PCDH7: variants seen among roughly 807,000 people sequenced by gnomAD.
PCDH7 encodes protocadherin 7, also known as protocadherin-7.
In PCDH7, 17 loss-of-function variants were observed where a neutral mutation model predicts 58.9. The observed-to-expected ratio is 0.29, with a 90% CI of 0.20 to 0.43. PCDH7 has a LOEUF of 0.43. Ranked by LOEUF, PCDH7 falls within the 20% of genes least tolerant of loss-of-function variation. PCDH7 has a pLI of 1.00. For synonymous variants in PCDH7, 664 were observed against 616.4 expected, an observed-to-expected ratio of 1.08 and a Z score of -1.14; for missense variants, 1,274 against 1,441.0, an observed-to-expected ratio of 0.88 and a Z score of 1.88.
At chr4:30,836,981 A>G (rs910573119) in intron 1 of PCDH7, among the ~76,000 whole-genome samples, 2 of 152,166 alleles carry the variant, frequency 1.3e-5, no homozygotes, top group African/African-American at 4.8e-5. Flanking sequence ...TGAGACACAT[A>G]TAAAACATGG....
intron 3 of PCDH7, among the ~76,000 whole-genome samples, chr4:30,966,966 C>G (rs768004961): frequency 6.6e-6 from 1 of 152,016 alleles, no homozygotes; most frequent in Non-Finnish European, 1.5e-5. Context: ...GCCTCAGTTT[C>G]CTTATTGCAA....
intron 3 of PCDH7, among the ~76,000 whole-genome samples, chr4:31,112,459 C>A (rs1716446151): frequency 6.6e-6 from 1 of 152,094 alleles, no homozygotes; most frequent in South Asian, 2.1e-4. Flanking sequence ...ATAATTACTA[C>A]TAAAAACCAA....
intron 1 of PCDH7, among the ~76,000 whole-genome samples, chr4:30,844,695 T>TTG (rs1302073066): frequency 1.3e-5 from 2 of 152,200 alleles, no homozygotes; most frequent in Admixed American, 6.6e-5. Context: ...ATAGCCATCT[T>TTG]TGTTTCAAAA....
chr4:31,126,130 T>TTC (rs1486287861), intron 3 of PCDH7, among the ~76,000 whole-genome samples: 1 of 149,640 alleles, frequency 6.7e-6, no homozygotes, highest in African/African-American at 2.5e-5. Flanking sequence ...TCCTTTCTTT[T>TTC]TTTTTTTTTT....
At chr4:30,932,416 C>T (rs1229833022) in intron 2 of PCDH7, among the ~76,000 whole-genome samples, 1 of 152,106 alleles carries the variant, frequency 6.6e-6, no homozygotes, top group Non-Finnish European at 1.5e-5. Context: ...ATGAAACCAC[C>T]AATGTCACAT....
chr4:30,780,618 T>A lies in PCDH7; in HGVS notation c.70+56022T>A, dbSNP rs185712684. 6.9e-4 allele frequency among the ~76,000 whole-genome samples: 105 copies of A among 152,298 alleles called. 1 individual carries two copies. Among genetic ancestry groups the A allele is most frequent in the Non-Finnish European group, 1.4e-3 (96 of 68,010 alleles). The stretch of plus-strand genomic sequence containing the variant: ...GATTTAACATTGAAGAACAGGCTCT[T>A]CTAGAGCACCAATCTTTACATACTT... On this transcript the variant is annotated intron_variant, in intron 1 of 3. Coordinates refer to the PCDH7 transcript ENST00000509759.
At chr4:30,822,954 G>A (rs1353801904) in intron 1 of PCDH7, among the ~76,000 whole-genome samples, 2 of 151,958 alleles carry the variant, frequency 1.3e-5, no homozygotes, top group Non-Finnish European at 2.9e-5. Context: ...GAGTAAGAAC[G>A]GGAAAAAAAG....
chr4:31,024,823 C>A (rs2109175434), intron 3 of PCDH7, among the ~76,000 whole-genome samples: 1 of 152,236 alleles, frequency 6.6e-6, no homozygotes, highest in South Asian at 2.1e-4. Flanking sequence ...CTCGCTGCAA[C>A]CTCTGTCTCC....
chr4:30,850,351 T>G (rs1732559719), intron 1 of PCDH7, among the ~76,000 whole-genome samples: 1 of 152,102 alleles, frequency 6.6e-6, no homozygotes, highest in Non-Finnish European at 1.5e-5. Flanking sequence ...TCCCTCTACC[T>G]TCAATTTTAA....
chr4:30,760,573 C>T (rs1375984015), intron 1 of PCDH7, among the ~76,000 whole-genome samples: 1 of 152,064 alleles, frequency 6.6e-6, no homozygotes, highest in African/African-American at 2.4e-5. Flanking sequence ...AAACCCAAAT[C>T]ATGAGTGAAC....
chr4:30,891,062 A>G (rs908058124), intron 1 of PCDH7, among the ~76,000 whole-genome samples: 1 of 152,064 alleles, frequency 6.6e-6, no homozygotes, highest in African/African-American at 2.4e-5. Context: ...TACATTCTCT[A>G]TCTGAATTTT....
At chr4:30,912,218 G>A (rs745552194) in intron 1 of PCDH7, among the ~76,000 whole-genome samples, 1 of 152,110 alleles carries the variant, frequency 6.6e-6, no homozygotes, top group Non-Finnish European at 1.5e-5. Flanking sequence ...AAGTTTAAAG[G>A]CCTAACTAAA....
At chr4:30,732,610 A>G (rs1715673214) in exon 2 of PCDH7, 1 of 152,168 alleles carries the variant, frequency 6.6e-6, no homozygotes, top group Admixed American at 6.5e-5. Context: ...CCATAGTAAG[A>G]GTAAATATTG....
At chr4:30,962,254 A>G (rs948053492) in intron 3 of PCDH7, among the ~76,000 whole-genome samples, 3 of 152,214 alleles carry the variant, frequency 2.0e-5, no homozygotes, top group Admixed American at 6.5e-5. Context: ...TCGAATTGAT[A>G]GAAGTTCAGG....
At chr4:30,875,530 C>T (rs1166016262) in intron 1 of PCDH7, among the ~76,000 whole-genome samples, 1 of 152,050 alleles carries the variant, frequency 6.6e-6, no homozygotes, top group Non-Finnish European at 1.5e-5. Context: ...TTTACGTAGT[C>T]CGTTTGTGTC....
Position 30,996,018 on chromosome 4 carries a change from G to T in PCDH7, c.*7+45803G>T, listed in dbSNP as rs191995925. Among the ~76,000 whole-genome samples, 34 of 152,106 alleles carry T rather than the reference G, an allele frequency of 2.2e-4. 1 individual carries two copies. The East Asian group carries it at 6.0e-3, about 27-fold the overall frequency. On this transcript the variant is annotated intron_variant, in intron 3 of 3. Transcript: ENST00000509759. ...CTGGGATCAGGACATGCACCTCTTT[G>T]GTGGCCATTATTGTGCCTCTTCAAT... is the stretch of plus-strand genomic sequence containing the variant.
chr4:31,053,674 T>C lies in PCDH7; in HGVS notation c.*8-88799T>C, dbSNP rs377375553. Among the ~76,000 whole-genome samples the C allele has an allele frequency of 1.2e-4, 18 of 152,270 alleles. 1 individual carries two copies. In the South Asian group the frequency reaches 3.7e-3, roughly 32 times the overall value. ...ACTGTACTCTCTTTTTACTGTGACT[T>C]CATGACCCTCTGCATGGTACACTCA... On this transcript the variant is annotated intron_variant, in intron 3 of 3. Coordinates refer to the PCDH7 transcript ENST00000509759.
At chr4:30,733,738 C>T (rs947651811), downstream of PCDH7, among the ~76,000 whole-genome samples, 20 of 152,012 alleles carry the variant, frequency 1.3e-4, no homozygotes, top group African/African-American at 3.1e-4. Flanking sequence ...AGGTTTTTCA[C>T]GACTCTAATG....
chr4:30,936,786 G>A (rs557017578), intron 2 of PCDH7, among the ~76,000 whole-genome samples: 2 of 152,106 alleles, frequency 1.3e-5, no homozygotes, highest in South Asian at 4.2e-4. Context: ...TTGGTGGGAG[G>A]TGCTTTTATT....
Sources: gnomAD v4.1 joint callset for allele counts (sites outside exome capture counted in the v4.1 genomes callset) on GRCh38, gnomAD v4.1.1 for gene constraint, MANE v1.5 for transcripts, NCBI Gene and HGNC (gene_info 2026-07-23, HGNC 2026-07-21) for gene names.